The following VIL1 variants were observed in gnomAD, a reference collection of about 807,000 sequenced individuals.
VIL1 encodes the protein villin-1.
Under a neutral mutation model 104.0 loss-of-function variants are expected in VIL1, and 86 were observed. The observed-to-expected ratio is 0.83, with a 90% CI of 0.69 to 0.99. The LOEUF is 0.99. Among genes scored for constraint, VIL1 ranks in the 50% least tolerant of loss-of-function variants. The pLI, the probability that VIL1 is intolerant of heterozygous loss-of-function variation, is 0.00. For missense variants in VIL1, 944 were observed against 1,054.1 expected, an observed-to-expected ratio of 0.90 and a Z score of 1.45; for synonymous variants, 394 against 412.6, an observed-to-expected ratio of 0.95 and a Z score of 0.55.
rs746112933 is a variant in VIL1, at chr2:218,423,850, C to T, written c.72C>T (p.Ile24=). 13 of 1,614,028 alleles carry T rather than the reference C, an allele frequency of 8.1e-6. No homozygotes were observed. Among genetic ancestry groups the T allele is most frequent in the Admixed American group, 6.7e-5 (4 of 60,004 alleles). The part of the protein sequence containing the change: ...ITTPGLQIWR[I]EAMQMVPVPS... ...CCCCGGGGCTGCAGATATGGAGGATCGAGGTGAGGCCCTGTCTGGGCATGG... is the reference window on the plus strand; with the variant it reads ...CCCCGGGGCTGCAGATATGGAGGATTGAGGTGAGGCCCTGTCTGGGCATGG... The change falls in exon 2 of 20, where the codon ATC becomes ATT. Residue 24 remains isoleucine (I), a synonymous_variant. Coordinates refer to ENST00000248444, the MANE Select transcript of VIL1 (RefSeq NM_007127.3).
chr2:218,422,025 G>A (rs933147967), intron 1 of VIL1, among the ~76,000 whole-genome samples: 2 of 151,998 alleles, frequency 1.3e-5, no homozygotes, highest in Admixed American at 6.6e-5. Flanking sequence ...AGGCTGAGGC[G>A]GGTGGATCAC....
chr2:218,429,092 C>A (rs566010210), intron 6 of VIL1, among the ~76,000 whole-genome samples, 193 bp from the exon 7 acceptor site: 33 of 152,368 alleles, frequency 2.2e-4, no homozygotes, highest in African/African-American at 7.5e-4. Context: ...GAAACCTGCT[C>A]TCCCAGCTGC....
chr2:218,438,865 T>G, intron 18 of VIL1, 139 bp downstream of exon 18: 1 of 692,812 alleles, frequency 1.4e-6, no homozygotes, highest in Non-Finnish European at 2.4e-6. Flanking sequence ...TTCTTCTTGC[T>G]GTTTTACTTC....
intron 18 of VIL1, among the ~76,000 whole-genome samples, chr2:218,440,458 T>C (rs929757196): frequency 6.6e-6 from 1 of 152,108 alleles, no homozygotes; most frequent in Non-Finnish European, 1.5e-5. Context: ...TTAGTAGAGA[T>C]GCGGTTTCAC....
rs780601449 is a variant in VIL1, at chr2:218,428,016, C to T, written c.399C>T (p.Ser133=). 6.2e-7 allele frequency: 1 copy of T among 1,614,198 alleles called. No individual in the cohort carries two copies. Residue 133 remains serine, a synonymous_variant, in exon 5 of 20, where the codon TCC becomes TCT. Transcript: ENST00000248444. The part of the protein sequence containing the change: ...ASGMKHVETN[S]YDVQRLLHVK... ...GCATGAAGCACGTGGAGACCAACTCCTATGACGTCCAGAGGCTGCTGCATG... is the reference window on the plus strand; with the variant it reads ...GCATGAAGCACGTGGAGACCAACTCTTATGACGTCCAGAGGCTGCTGCATG...
chr2:218,434,025 C>T (rs934494447), intron 13 of VIL1, among the ~76,000 whole-genome samples: 4 of 151,838 alleles, frequency 2.6e-5, no homozygotes, highest in African/African-American at 7.3e-5. Flanking sequence ...GAAGAAACCC[C>T]GTCTCTACTA....
At position 218,452,702 on chromosome 2, in the gene VIL1, T is replaced by C. The variant is rs1421310351; in HGVS notation, c.*3366T>C. ...CACACATGAAAGCTATGAAAGCAAT[T>C]CAAATGAGGCTGCTTCATGAGGCAA... On this transcript the variant is annotated 3_prime_UTR_variant, in exon 20 of 20. Coordinates refer to ENST00000248444, the MANE Select transcript of VIL1 (RefSeq NM_007127.3). 2 of 152,220 alleles carry C rather than the reference T, an allele frequency of 1.3e-5. No individual in the cohort carries two copies. Among genetic ancestry groups the C allele is most frequent in the Non-Finnish European group, 2.9e-5 (2 of 68,040 alleles). The allele number at this position is 152,220 out of a possible 1,614,324, so 9.4% of individuals were successfully genotyped here. A position where few individuals can be genotyped will look rare whatever the true frequency, so the allele number is the denominator to read the frequency against.
intron 18 of VIL1, among the ~76,000 whole-genome samples, chr2:218,438,956 A>G (rs985396775): frequency 8.6e-5 from 11 of 128,294 alleles, no homozygotes; most frequent in African/African-American, 5.8e-5. Flanking sequence ...TTTGAGACAC[A>G]GTTTCACTCT....
chr2:218,436,366 C>T, intron 15 of VIL1, 116 bp from the exon 16 acceptor site: 1 of 1,342,082 alleles, frequency 7.5e-7, no homozygotes, highest in Non-Finnish European at 1.0e-6. Flanking sequence ...GAAGATAGAG[C>T]ATTTTGCTGG....
Position 218,436,567 on chromosome 2 carries a change from G to C in VIL1, c.1912G>C (p.Asp638His). Residue 638 changes from aspartate (D) to histidine (H), a missense_variant, in exon 16 of 20, where the codon GAC becomes CAC. Transcript: ENST00000248444. ...GCGCTTCCTGGCCACAGAGATCCCT[G>C]ACTTCAATCAGGATGACTTGGAAGA... ...TGRFLATEIP[D>H]FNQDDLEEDD... 1 of 1,614,050 alleles carries C rather than the reference G, an allele frequency of 6.2e-7. No homozygotes were observed. Among genetic ancestry groups the C allele is most frequent in the Non-Finnish European group, 8.5e-7 (1 of 1,180,018 alleles).
chr2:218,437,488 G>C (rs958199751), intron 17 of VIL1, among the ~76,000 whole-genome samples, 176 bp downstream of exon 17: 1 of 152,242 alleles, frequency 6.6e-6, no homozygotes, highest in East Asian at 1.9e-4. Context: ...TGGTGAGAGG[G>C]AAGAAGTCTA....
rs747837413 is a variant in VIL1, at chr2:218,430,889, G to C, written c.1102+11G>C. ...CTGTGGGCTCCGTGGGTGAGGGCCA[G>C]GCGGGGGCAGTGAGGGAGCCAGGAT... is the stretch of plus-strand genomic sequence containing the variant. On this transcript the variant is annotated intron_variant, in intron 10 of 19. Transcript: ENST00000248444. The C allele has an allele frequency of 7.5e-6, 12 of 1,608,260 alleles. No homozygotes were observed. Among genetic ancestry groups the C allele is most frequent in the Middle Eastern group, 1.6e-4 (1 of 6,080 alleles).
In VIL1 at chr2:218,431,919, C is replaced by T; in HGVS notation, c.1165C>T (p.Gln389Ter). 3 of 1,613,798 alleles carry T rather than the reference C, an allele frequency of 1.9e-6. No homozygotes were observed. Among genetic ancestry groups the T allele is most frequent in the Non-Finnish European group, 1.7e-6 (2 of 1,179,970 alleles). ...GCATGTCAAGCCTCAGGTGGCTGCC[C>T]AGCAGAAGATGGTAGATGATGGGAG... ...SMHVKPQVAAQQKMVDDGSGE... is the reference protein window; with the variant it reads ...SMHVKPQVAA The change falls in exon 11 of 20, where the codon CAG becomes TAG. Residue 389 changes from glutamine (Q) to a stop codon, truncating the protein, a stop_gained. Coordinates refer to ENST00000248444, the MANE Select transcript of VIL1 (RefSeq NM_007127.3). LOFTEE classifies it high-confidence loss of function.
At chr2:218,428,409 T>C in intron 6 of VIL1, 72 bp downstream of exon 6, 1 of 1,338,782 alleles carries the variant, frequency 7.5e-7, no homozygotes, top group Non-Finnish European at 1.1e-6. Context: ...TCCCCAGGCC[T>C]CTCCCCGCTG....
At chr2:218,424,852 G>T (rs1688952592) in intron 3 of VIL1, among the ~76,000 whole-genome samples, 1 of 151,982 alleles carries the variant, frequency 6.6e-6, no homozygotes, top group African/African-American at 2.4e-5. Context: ...TAGAAACGGG[G>T]TTTCACCATG....
In VIL1 at chr2:218,429,473, A is replaced by C; in HGVS notation, c.756A>C (p.Ala252=). 6.2e-7 allele frequency: 1 copy of C among 1,613,922 alleles called. No homozygotes were observed. The highest frequency in any genetic ancestry group is 8.5e-7 in the Non-Finnish European group (1 of 1,179,984). Residue 252 remains alanine (A), a synonymous_variant, in exon 7 of 20, where the codon GCA becomes GCC. Transcript: ENST00000248444. ...DTVVEPALKA[A]LKLYHVSDSE... is the part of the protein sequence containing the mutation. ...TGGTGGAGCCGGCACTCAAGGCTGC[A>C]CTCAAACTGTACCAGTGAGCGCCCA... is the stretch of plus-strand genomic sequence containing the variant.
In VIL1 at chr2:218,434,667, C is replaced by A. The variant is rs149645902; in HGVS notation, c.1642C>A (p.Leu548Ile). ...NFLNSNDVFV[L>I]KTQSCCYLWC... is the part of the protein sequence containing the mutation. The stretch of plus-strand genomic sequence containing the variant: ...CCTCAATTCCAATGATGTCTTTGTC[C>A]TCAAGACCCAGTCTTGCTGCTATCT... Residue 548 changes from leucine (L) to isoleucine (I), a missense_variant, in exon 14 of 20, where the codon CTC becomes ATC. By Grantham distance (5) the Leu-to-Ile change is conservative. Transcript: ENST00000248444. 2.5e-5 allele frequency: 41 copies of A among 1,614,098 alleles called. No individual in the cohort carries two copies. The Admixed American group carries it at 5.7e-4, about 22-fold the overall frequency.
intron 13 of VIL1, 119 bp downstream of exon 13, chr2:218,433,070 G>T: frequency 2.4e-6 from 3 of 1,254,932 alleles, no homozygotes; most frequent in Non-Finnish European, 3.3e-6. Context: ...TTCTTCATAG[G>T]AGACTACCCT....
At chr2:218,438,533 A>C (rs1164987243) in intron 17 of VIL1, 125 bp from the exon 18 acceptor site, 9 of 848,524 alleles carry the variant, frequency 1.1e-5, no homozygotes, top group Non-Finnish European at 1.7e-5. Flanking sequence ...CAGCCTTCAT[A>C]TCCTCTTTCC....
Sources: allele counts gnomAD v4.1 joint callset (sites outside exome capture counted in the v4.1 genomes callset), GRCh38; gene constraint gnomAD v4.1.1; transcripts MANE v1.5; gene names NCBI Gene and HGNC (gene_info 2026-07-23, HGNC 2026-07-21).